SDHAF4: variants seen among roughly 807,000 people sequenced by gnomAD.
SDHAF4 encodes the protein succinate dehydrogenase assembly factor 4, mitochondrial.
Under a neutral mutation model 14.3 loss-of-function variants are expected in SDHAF4, and 14 were observed. The observed-to-expected ratio is 0.98, with a 90% CI of 0.65 to 1.53. The LOEUF (loss-of-function observed/expected upper bound fraction) is 1.53. SDHAF4 is among the 40% of genes most tolerant of loss of function. SDHAF4 has a pLI of 0.00. For synonymous variants in SDHAF4, 63 were observed against 47.3 expected (o/e 1.33, Z -1.36); for missense variants, 141 against 129.3 (o/e 1.09, Z -0.44).
Position 70,587,168 on chromosome 6 carries a change from T to TCACACA in SDHAF4, c.218-1422_218-1417dup, listed in dbSNP as rs56012930. ...CCTGGGCAATAAGAGTGAAACTCCA[T>TCACACA]CACACACACACACACACACACACAC... On this transcript the variant is annotated intron_variant, in intron 2 of 2. Coordinates refer to ENST00000370474, the MANE Select transcript of SDHAF4 (RefSeq NM_145267.3). 4.1e-3 allele frequency among the ~76,000 whole-genome samples: 559 copies of TCACACA among 135,526 alleles called. 5 individuals carry two copies. Among genetic ancestry groups the TCACACA allele is most frequent in the Middle Eastern group, 0.012 (3 of 246 alleles). 88.9% of individuals were successfully genotyped at this position (135,526 alleles called of 152,430 possible).
At chr6:70,569,830 T>A (rs1256142172) in intron 1 of SDHAF4, among the ~76,000 whole-genome samples, 1 of 152,228 alleles carries the variant, frequency 6.6e-6, no homozygotes, top group Non-Finnish European at 1.5e-5. Flanking sequence ...CCTAAAGTCA[T>A]GGACATAATC....
At chr6:70,588,384 G>A (rs1164523310) in intron 2 of SDHAF4, among the ~76,000 whole-genome samples, 1 of 152,150 alleles carries the variant, frequency 6.6e-6, no homozygotes, top group Non-Finnish European at 1.5e-5. Context: ...GTTGGGCGTG[G>A]TGGCATGTGC....
intron 2 of SDHAF4, among the ~76,000 whole-genome samples, chr6:70,581,568 G>GTTTC (rs1052163845): frequency 6.6e-6 from 1 of 152,002 alleles, no homozygotes; most frequent in Non-Finnish European, 1.5e-5. Context: ...GCTTTCATTA[G>GTTTC]TTTCATTTTT....
chr6:70,584,004 T>C (rs1765170697), intron 2 of SDHAF4, among the ~76,000 whole-genome samples: 1 of 148,230 alleles, frequency 6.7e-6, no homozygotes, highest in African/African-American at 2.6e-5. Flanking sequence ...AAATATACAG[T>C]TGAGTGAGGT....
At chr6:70,583,328 G>A (rs535314944) in intron 2 of SDHAF4, among the ~76,000 whole-genome samples, 11 of 152,288 alleles carry the variant, frequency 7.2e-5, no homozygotes, top group African/African-American at 2.4e-4. Context: ...GGTCAGGCTG[G>A]TCTCGAACTC....
At chr6:70,582,258 G>A (rs988987278) in intron 2 of SDHAF4, among the ~76,000 whole-genome samples, 3 of 151,762 alleles carry the variant, frequency 2.0e-5, no homozygotes, top group African/African-American at 7.3e-5. Flanking sequence ...AAGAGATAGA[G>A]CTCAGTATGT....
intron 1 of SDHAF4, among the ~76,000 whole-genome samples, chr6:70,567,965 G>T (rs1802124157): frequency 6.6e-6 from 1 of 152,196 alleles, no homozygotes; most frequent in East Asian, 1.9e-4. Flanking sequence ...GATTACAGGC[G>T]TGAGCCACCG....
intron 2 of SDHAF4, among the ~76,000 whole-genome samples, chr6:70,584,533 A>G (rs958500098): frequency 2.0e-5 from 3 of 152,188 alleles, no homozygotes; most frequent in Non-Finnish European, 4.4e-5. Context: ...ACATAGTATA[A>G]TGTGGAAGAG....
At chr6:70,573,541 G>A (rs980158552) in intron 1 of SDHAF4, among the ~76,000 whole-genome samples, 3 of 151,634 alleles carry the variant, frequency 2.0e-5, no homozygotes, top group Non-Finnish European at 4.4e-5. Flanking sequence ...TAGGATTACA[G>A]GTGTGAGCCA....
At chr6:70,590,491 T>C (rs1301018631), downstream of SDHAF4, among the ~76,000 whole-genome samples, 2 of 152,206 alleles carry the variant, frequency 1.3e-5, no homozygotes, top group East Asian at 1.9e-4. Flanking sequence ...TGCTTTAGTA[T>C]GTTAATGAGC....
intron 1 of SDHAF4, among the ~76,000 whole-genome samples, chr6:70,575,557 A>G (rs1802243392): frequency 6.7e-6 from 1 of 149,986 alleles, no homozygotes; most frequent in African/African-American, 2.4e-5. Context: ...TCAGTTTATC[A>G]TTATTTACTT....
At chr6:70,588,381 G>A (rs1244995056) in intron 2 of SDHAF4, among the ~76,000 whole-genome samples, 1 of 152,124 alleles carries the variant, frequency 6.6e-6, no homozygotes, top group Non-Finnish European at 1.5e-5. Context: ...TTAGTTGGGC[G>A]TGGTGGCATG....
At chr6:70,567,462 A>G (rs1181147109) in intron 1 of SDHAF4, 1 of 157,460 alleles carries the variant, frequency 6.4e-6, no homozygotes, top group Non-Finnish European at 1.4e-5. Flanking sequence ...GATTTGTGGC[A>G]GTTTACAGTT....
chr6:70,589,873 G>C (rs1315771908), downstream of SDHAF4, among the ~76,000 whole-genome samples: 3 of 152,162 alleles, frequency 2.0e-5, no homozygotes, highest in African/African-American at 7.2e-5. Context: ...AATTCCAGCT[G>C]ATGTCCAGGC....
At chr6:70,579,335 CAA>C (rs1802292647) in intron 1 of SDHAF4, 77 bp from the exon 2 acceptor site, 1 of 1,164,642 alleles carries the variant, frequency 8.6e-7, no homozygotes, top group Admixed American at 3.1e-5. Flanking sequence ...AAACTAAAAA[CAA>C]ATAAATAAAA....
chr6:70,596,560 T>C, the SDHAF4 span: 17 of 152,242 alleles, frequency 1.1e-4, no homozygotes, highest in Non-Finnish European at 1.8e-4. Flanking sequence ...GATAACTTTT[T>C]AAAAACAACC....
chr6:70,594,623 C>T, the SDHAF4 span, among the ~76,000 whole-genome samples: 1 of 152,002 alleles, frequency 6.6e-6, no homozygotes, highest in African/African-American at 2.4e-5. Context: ...AAATAAATAC[C>T]ATTTTTCAGC....
At chr6:70,590,076 A>G (rs904109741), downstream of SDHAF4, among the ~76,000 whole-genome samples, 14 of 152,146 alleles carry the variant, frequency 9.2e-5, no homozygotes, top group Non-Finnish European at 1.5e-4. Flanking sequence ...CGTCTCTACT[A>G]AAAATACAAA....
chr6:70,584,998 C>T (rs1765179434), intron 2 of SDHAF4, among the ~76,000 whole-genome samples: 1 of 151,944 alleles, frequency 6.6e-6, no homozygotes, highest in Admixed American at 6.6e-5. Context: ...TATAGAATTC[C>T]AAAAAGGAAA....
Sources: allele counts gnomAD v4.1 joint callset (sites outside exome capture counted in the v4.1 genomes callset), GRCh38; gene constraint gnomAD v4.1.1; transcripts MANE v1.5; gene names NCBI Gene and HGNC (gene_info 2026-07-23, HGNC 2026-07-21).